CNNM4: variants seen among roughly 807,000 people sequenced by gnomAD.
CNNM4 encodes the protein cyclin and CBS domain divalent metal cation transport mediator 4.
Under a neutral mutation model 53.7 loss-of-function variants are expected in CNNM4, and 32 were observed. The ratio of observed to expected loss-of-function variants is 0.60; its 90% confidence interval spans 0.45 to 0.80. The LOEUF (loss-of-function observed/expected upper bound fraction) is 0.80. Ranked by LOEUF, CNNM4 falls within the 30% of genes least tolerant of loss-of-function variation. CNNM4 has a pLI of 0.00. For missense variants in CNNM4, 784 were observed against 1,022.0 expected (o/e 0.77, Z 3.17); for synonymous variants, 410 against 440.0 (o/e 0.93, Z 0.85).
intron 1 of CNNM4, among the ~76,000 whole-genome samples, chr2:96,772,972 C>G (rs576024631): frequency 6.6e-6 from 1 of 152,120 alleles, no homozygotes; most frequent in African/African-American, 2.4e-5. Context: ...CACTTGCACA[C>G]ACACACACTC....
At chr2:96,805,300 T>C (rs555543965) in intron 5 of CNNM4, among the ~76,000 whole-genome samples, 1 of 151,474 alleles carries the variant, frequency 6.6e-6, no homozygotes, top group East Asian at 1.9e-4. Flanking sequence ...AACTATAAAC[T>C]GTAAACTAGG....
At chr2:96,775,067 AT>A (rs200652793) in intron 1 of CNNM4, among the ~76,000 whole-genome samples, 5 of 139,246 alleles carry the variant, frequency 3.6e-5, no homozygotes, top group African/African-American at 1.3e-4. Flanking sequence ...TCAGTTTTAG[AT>A]TTTTTTTAGG....
intron 1 of CNNM4, among the ~76,000 whole-genome samples, chr2:96,777,125 A>G (rs1245424527): frequency 1.3e-5 from 2 of 152,010 alleles, no homozygotes; most frequent in Non-Finnish European, 2.9e-5. Flanking sequence ...GGTTCAGGCA[A>G]TTCTCCTGCC....
intron 1 of CNNM4, among the ~76,000 whole-genome samples, chr2:96,767,970 G>C (rs187013280): frequency 1.3e-5 from 2 of 152,368 alleles, no homozygotes; most frequent in African/African-American, 4.8e-5. Flanking sequence ...TACTGGGGTG[G>C]CTGAGGCAGG....
intron 1 of CNNM4, among the ~76,000 whole-genome samples, chr2:96,768,784 C>T (rs1293846204): frequency 2.0e-5 from 3 of 152,190 alleles, no homozygotes. Flanking sequence ...CAGACTTGAA[C>T]TCAGTGGGTC....
chr2:96,769,031 C>T (rs956252819), intron 1 of CNNM4, among the ~76,000 whole-genome samples: 2 of 152,188 alleles, frequency 1.3e-5, no homozygotes, highest in Non-Finnish European at 2.9e-5. Context: ...GCGGGCGGAT[C>T]ATGAGGTCAG....
intron 1 of CNNM4, among the ~76,000 whole-genome samples, chr2:96,767,541 C>A (rs913346519): frequency 2.0e-5 from 3 of 152,210 alleles, no homozygotes; most frequent in Admixed American, 6.5e-5. Context: ...TGCAGCCCAC[C>A]TTCCAGCTTC....
chr2:96,775,393 T>G (rs1228246002), intron 1 of CNNM4, among the ~76,000 whole-genome samples: 1 of 152,232 alleles, frequency 6.6e-6, no homozygotes, highest in East Asian at 1.9e-4. Context: ...TAGCTGTCAT[T>G]CATTCCTTTT....
chr2:96,774,116 TC>T (rs903637501), intron 1 of CNNM4, among the ~76,000 whole-genome samples: 2 of 152,150 alleles, frequency 1.3e-5, no homozygotes, highest in African/African-American at 4.8e-5. Flanking sequence ...GCATCCATGT[TC>T]CGACTGCAGG....
Position 96,809,535 on chromosome 2 carries a change from C to T in CNNM4, c.*18C>T. 1 of 1,613,220 alleles carries T rather than the reference C, an allele frequency of 6.2e-7. No homozygotes were observed. Among genetic ancestry groups the T allele is most frequent in the Non-Finnish European group, 8.5e-7 (1 of 1,179,332 alleles). On this transcript the variant is annotated 3_prime_UTR_variant, in exon 7 of 7. Transcript: ENST00000377075. ...CCATCTGACAGGAGGGCCCGGGGCC[C>T]CCTGCCCACCCTGCGGGGGCCTCCC...
chr2:96,806,886 A>G (rs1558998218), intron 5 of CNNM4, among the ~76,000 whole-genome samples: 1 of 151,422 alleles, frequency 6.6e-6, no homozygotes, highest in South Asian at 2.1e-4. Flanking sequence ...GATTGTTACA[A>G]CTCTGCCTCA....
In CNNM4 at chr2:96,761,542, T is replaced by C. The variant is rs767683968; in HGVS notation, c.543T>C (p.Pro181=). Residue 181 remains proline, a synonymous_variant, in exon 1 of 7, where the codon CCT becomes CCC. Transcript: ENST00000377075. The surrounding 1 kb of genome is among the most constrained non-coding windows in gnomAD (Gnocchi z 6.0). ...FMVEEPGRFL[P]LWLHILLITV... is the part of the protein sequence containing the mutation. ...TGGAGGAGCCTGGGAGGTTCCTGCCTCTCTGGCTGCACATTCTCCTAATTA... is the reference window on the plus strand; with the variant it reads ...TGGAGGAGCCTGGGAGGTTCCTGCCCCTCTGGCTGCACATTCTCCTAATTA... 5.0e-6 allele frequency: 8 copies of C among 1,613,978 alleles called. No individual in the cohort carries two copies. The highest frequency in any genetic ancestry group is 6.8e-6 in the Non-Finnish European group (8 of 1,179,926).
intron 5 of CNNM4, among the ~76,000 whole-genome samples, chr2:96,805,574 C>G (rs1228554208): frequency 1.6e-5 from 2 of 125,650 alleles, no homozygotes; most frequent in African/African-American, 6.1e-5. Context: ...CTCTGGTTTT[C>G]CTAGGCAGAG....
At chr2:96,806,601 G>A (rs191257565) in intron 5 of CNNM4, among the ~76,000 whole-genome samples, 118 of 151,800 alleles carry the variant, frequency 7.8e-4, no homozygotes, top group East Asian at 1.4e-3. Context: ...GATTCAGTAT[G>A]TTTGTTCTCT....
chr2:96,783,904 C>T (rs573164045), intron 1 of CNNM4, among the ~76,000 whole-genome samples: 18 of 152,168 alleles, frequency 1.2e-4, no homozygotes, highest in South Asian at 2.1e-4. Context: ...TAAAAAGCAG[C>T]GTACAAAACA....
chr2:96,781,775 A>G (rs541307977), intron 1 of CNNM4, among the ~76,000 whole-genome samples: 44 of 152,144 alleles, frequency 2.9e-4, no homozygotes, highest in African/African-American at 1.0e-3. Flanking sequence ...TCAAAGCCCA[A>G]CTGGGTAATC....
intron 1 of CNNM4, among the ~76,000 whole-genome samples, chr2:96,780,420 T>C (rs1235867573): frequency 4.4e-5 from 6 of 136,828 alleles, no homozygotes; most frequent in South Asian, 4.6e-4. Context: ...TTGCTCTCCC[T>C]TTTTTTTTTT....
intron 1 of CNNM4, among the ~76,000 whole-genome samples, chr2:96,779,081 T>G (rs954051314): frequency 3.0e-4 from 45 of 152,078 alleles, no homozygotes; most frequent in African/African-American, 9.7e-5. Context: ...CTCAGCCTCT[T>G]GAGTAGATGG....
At chr2:96,769,524 A>G (rs1348576996) in intron 1 of CNNM4, among the ~76,000 whole-genome samples, 1 of 150,618 alleles carries the variant, frequency 6.6e-6, no homozygotes. Flanking sequence ...AGATCGCGCC[A>G]TTGCACTCCA....
Sources: gnomAD v4.1 joint callset for allele counts (sites outside exome capture counted in the v4.1 genomes callset) on GRCh38, gnomAD v4.1.1 for gene constraint, Gnocchi (gnomAD v3.1) non-coding constraint, MANE v1.5 for transcripts, NCBI Gene and HGNC (gene_info 2026-07-23, HGNC 2026-07-21) for gene names.